The following MYO10 variants were observed in gnomAD, a reference collection of about 807,000 sequenced individuals.
MYO10 encodes myosin X, also known as unconventional myosin-X.
Under a neutral mutation model 257.3 loss-of-function variants are expected in MYO10, and 133 were observed. That is an observed-to-expected ratio of 0.52 (90% CI 0.45 to 0.60). The LOEUF is 0.60. Ranked by LOEUF, MYO10 falls within the 20% of genes least tolerant of loss-of-function variation. The pLI is 0.00. For synonymous variants in MYO10, 1,104 were observed against 1,028.6 expected, an observed-to-expected ratio of 1.07 and a Z score of -1.40; for missense variants, 2,399 against 2,635.7, an observed-to-expected ratio of 0.91 and a Z score of 1.97.
rs1554039269 is a variant in MYO10 at position 16,719,991 on chromosome 5, T to TAC, written c.1930-8747_1930-8746insGT. On this transcript the variant is annotated intron_variant, in intron 19 of 40. Transcript: ENST00000513610. Reference sequence around the variant, plus strand: ...AAAGAAATAAATGTGTGTGCGTGCGTGTGTGTGTGTGTGTGTGTGTGTGTG... The same window carrying TAC: ...AAAGAAATAAATGTGTGTGCGTGCGTACGTGTGTGTGTGTGTGTGTGTGTGTG... 5.1e-3 allele frequency among the ~76,000 whole-genome samples: 519 copies of TAC among 102,028 alleles called. 4 individuals carry two copies. The highest frequency in any genetic ancestry group is 0.038 in the African/African-American group (494 of 13,028). The allele number at this position is 102,028 out of a possible 152,430, so 66.9% of individuals were successfully genotyped here. A position where few individuals can be genotyped will look rare whatever the true frequency, so the allele number is the denominator to read the frequency against.
At chr5:16,934,048 C>T (rs1212236704) in intron 1 of MYO10, among the ~76,000 whole-genome samples, 1 of 152,194 alleles carries the variant, frequency 6.6e-6, no homozygotes, top group African/African-American at 2.4e-5. Context: ...AGTAGAAGAT[C>T]ACTAATGGCC....
chr5:16,829,945 A>G (rs1743116252), intron 2 of MYO10, among the ~76,000 whole-genome samples: 1 of 152,068 alleles, frequency 6.6e-6, no homozygotes, highest in South Asian at 2.1e-4. Flanking sequence ...ATAGTTGTAC[A>G]TTAAGGAAAA....
chr5:16,699,848 G>A (rs1166557590), intron 25 of MYO10, among the ~76,000 whole-genome samples: 1 of 147,056 alleles, frequency 6.8e-6, no homozygotes, highest in Non-Finnish European at 1.5e-5. Context: ...CAAGCAATAC[G>A]CCTGATTTAC....
intron 3 of MYO10, among the ~76,000 whole-genome samples, chr5:16,816,232 G>C (rs1180585177): frequency 6.6e-6 from 1 of 151,260 alleles, no homozygotes; most frequent in East Asian, 2.0e-4. Context: ...CCAGCTACTC[G>C]GGAGGCTGAG....
chr5:16,827,808 C>A (rs1425394629), intron 2 of MYO10, among the ~76,000 whole-genome samples: 1 of 152,150 alleles, frequency 6.6e-6, no homozygotes, highest in Non-Finnish European at 1.5e-5. Context: ...GTGCCAGCTG[C>A]ATGCATCAGA....
chr5:16,723,969 GCA>G (rs1364236682), intron 19 of MYO10, among the ~76,000 whole-genome samples: 2 of 152,160 alleles, frequency 1.3e-5, no homozygotes, highest in African/African-American at 2.4e-5. Context: ...AAGAACTAAA[GCA>G]CAGAGGAATT....
chr5:16,786,031 C>T (rs1049641179), intron 4 of MYO10, among the ~76,000 whole-genome samples: 2 of 151,928 alleles, frequency 1.3e-5, no homozygotes, highest in African/African-American at 2.4e-5. Flanking sequence ...CTCCACCTTC[C>T]GCTTGCCACC....
intron 9 of MYO10, among the ~76,000 whole-genome samples, chr5:16,777,318 G>A (rs1349680369): frequency 6.6e-6 from 1 of 152,158 alleles, no homozygotes; most frequent in African/African-American, 2.4e-5. Context: ...CTTTAAAAGG[G>A]AGGCAGAGTG....
rs541111116 is a variant in MYO10, at chr5:16,889,864, C to T, written c.22-12157G>A. Among the ~76,000 whole-genome samples the T allele has an allele frequency of 3.7e-4, 56 of 151,816 alleles. 1 individual carries two copies. The South Asian group carries it at 0.011, about 30-fold the overall frequency. ...TACCTCCCATTTCCCAGTTTATTGT[C>T]CTTTCCTCCTCTTGATAAGAATCAT... is the stretch of plus-strand genomic sequence containing the variant. On this transcript the variant is annotated intron_variant, in intron 1 of 40. Transcript: ENST00000513610.
intron 2 of MYO10, among the ~76,000 whole-genome samples, chr5:16,873,038 C>T (rs1744494214): frequency 6.6e-6 from 1 of 152,140 alleles, no homozygotes; most frequent in African/African-American, 2.4e-5. Context: ...AATGGTCCCC[C>T]AAAGTCTTAA....
chr5:16,903,364 G>A (rs1441806646), intron 1 of MYO10, among the ~76,000 whole-genome samples: 3 of 152,174 alleles, frequency 2.0e-5, no homozygotes, highest in African/African-American at 4.8e-5. Flanking sequence ...AGCTGAGATC[G>A]TGCCATTGCA....
chr5:16,928,237 C>T (rs1355016224), intron 1 of MYO10, among the ~76,000 whole-genome samples: 1 of 151,850 alleles, frequency 6.6e-6, no homozygotes, highest in African/African-American at 2.4e-5. Flanking sequence ...AGACAGTCTC[C>T]CTCTGTCACC....
chr5:16,875,210 AAC>A (rs35261908), intron 2 of MYO10, among the ~76,000 whole-genome samples: 10,352 of 152,202 alleles, frequency 0.068, 993 homozygotes, highest in African/African-American at 0.22. Flanking sequence ...CGCTTTCAGG[AAC>A]ACAGTTTTGT....
At position 16,701,816 on chromosome 5, in the gene MYO10, T is replaced by G. The variant is rs759277481; in HGVS notation, c.2579A>C (p.Gln860Pro). The G allele has an allele frequency of 6.2e-7, 1 of 1,605,020 alleles. No homozygotes were observed. The highest frequency in any genetic ancestry group is 8.5e-7 in the Non-Finnish European group (1 of 1,176,954). ...AQQEEETRKQ[Q>P]ELEALQKSQK... ...GCTCTTCTGCAAGGCTTCGAGTTCTTGCTGCTTCCTCGTTTCTTCTTCCTG... is the reference window on the plus strand; with the variant it reads ...GCTCTTCTGCAAGGCTTCGAGTTCTGGCTGCTTCCTCGTTTCTTCTTCCTG... The change falls in exon 25 of 41, where the codon CAA (glutamine) becomes CCA (proline). Residue 860 changes from glutamine to proline, a missense_variant. This residue lies in a region of MYO10 where 1,820 missense variants were observed against 1,939.4 expected (regional missense o/e 0.94). Transcript: ENST00000513610. The surrounding 1 kb of genome is among the most constrained non-coding windows in gnomAD (Gnocchi z 8.1).
At chr5:16,881,727 T>C (rs1744759511) in intron 1 of MYO10, among the ~76,000 whole-genome samples, 2 of 152,220 alleles carry the variant, frequency 1.3e-5, no homozygotes, top group Admixed American at 1.3e-4. Flanking sequence ...CCCCAATCTT[T>C]CTACTTCCAC....
intron 2 of MYO10, among the ~76,000 whole-genome samples, chr5:16,831,922 A>G (rs1042635972): frequency 6.6e-6 from 1 of 152,172 alleles, no homozygotes; most frequent in African/African-American, 2.4e-5. Context: ...TGGCAAGTTT[A>G]TAGGTTTTTG....
intron 8 of MYO10, among the ~76,000 whole-genome samples, chr5:16,779,994 C>T (rs906228058): frequency 6.6e-6 from 1 of 152,238 alleles, no homozygotes; most frequent in East Asian, 1.9e-4. Flanking sequence ...TTCTGCCTCC[C>T]GGGTTCAAGC....
chr5:16,756,115 C>T (rs947712054), intron 18 of MYO10, among the ~76,000 whole-genome samples: 1 of 152,122 alleles, frequency 6.6e-6, no homozygotes, highest in African/African-American at 2.4e-5. Flanking sequence ...TTCTGCCACC[C>T]AGGCTGGAGT....
At chr5:16,681,208 G>T in intron 32 of MYO10, 101 bp downstream of exon 32, 3 of 1,258,526 alleles carry the variant, frequency 2.4e-6, no homozygotes, top group Non-Finnish European at 3.3e-6. Context: ...TTCTTTGGGG[G>T]GAAATAAAGT....
Sources: gnomAD v4.1 joint callset for allele counts (sites outside exome capture counted in the v4.1 genomes callset) on GRCh38, gnomAD v4.1.1 for gene constraint, gnomAD v4.1.1 regional missense constraint, Gnocchi (gnomAD v3.1) non-coding constraint, MANE v1.5 for transcripts, NCBI Gene and HGNC (gene_info 2026-07-23, HGNC 2026-07-21) for gene names.